Variants in DLG2 observed in about 807,000 individuals in gnomAD.
The protein encoded by DLG2 is discs large MAGUK scaffold protein 2, also known as disks large homolog 2.
DLG2 carries 45 observed loss-of-function variants against 132.5 expected under a neutral mutation model. The observed-to-expected ratio is 0.34, with a 90% CI of 0.27 to 0.44. DLG2 has a LOEUF of 0.44. Among genes scored for constraint, DLG2 ranks in the 20% least tolerant of loss-of-function variants. The probability of loss-of-function intolerance (pLI) is 1.00; values close to 1 mark genes in which losing one functional copy is unlikely to be tolerated. For synonymous variants in DLG2, 424 were observed against 419.6 expected, an observed-to-expected ratio of 1.01 and a Z score of -0.13; for missense variants, 1,045 against 1,196.9, an observed-to-expected ratio of 0.87 and a Z score of 1.87.
At chr11:85,578,074 A>T (rs144208284) in intron 3 of DLG2, among the ~76,000 whole-genome samples, 1 of 152,164 alleles carries the variant, frequency 6.6e-6, no homozygotes, top group African/African-American at 2.4e-5. Flanking sequence ...TAGAGAACCC[A>T]GCAATAAGAG....
chr11:85,568,646 T>A (rs984682901), intron 3 of DLG2, among the ~76,000 whole-genome samples: 28 of 152,188 alleles, frequency 1.8e-4, no homozygotes, highest in African/African-American at 6.8e-4. Context: ...TTTGGCAAAT[T>A]ATGTGTTTCT....
At chr11:85,504,688 C>T (rs1270043347) in intron 3 of DLG2, among the ~76,000 whole-genome samples, 4 of 152,146 alleles carry the variant, frequency 2.6e-5, no homozygotes, top group African/African-American at 9.7e-5. Flanking sequence ...ATTGTCTTGG[C>T]AATGCAGGCT....
intron 3 of DLG2, among the ~76,000 whole-genome samples, chr11:85,515,564 A>G (rs1336083825): frequency 6.6e-6 from 1 of 151,976 alleles, no homozygotes; most frequent in Non-Finnish European, 1.5e-5. Flanking sequence ...AATACCTTGA[A>G]TCTAGCAAGT....
At chr11:85,368,828 G>A (rs559296973) in intron 3 of DLG2, among the ~76,000 whole-genome samples, 11 of 152,314 alleles carry the variant, frequency 7.2e-5, no homozygotes, top group Non-Finnish European at 1.2e-4. Context: ...TGCCCACTGC[G>A]GTGGAACCGC....
chr11:83,689,982 A>AT (rs2080641515), intron 18 of DLG2, among the ~76,000 whole-genome samples: 1 of 132,702 alleles, frequency 7.5e-6, no homozygotes, highest in African/African-American at 2.9e-5. Flanking sequence ...ATATTATAAT[A>AT]TATTTATTAT....
chr11:85,394,051 C>A (rs1327791909), intron 3 of DLG2, among the ~76,000 whole-genome samples: 1 of 152,086 alleles, frequency 6.6e-6, no homozygotes, highest in Non-Finnish European at 1.5e-5. Context: ...CCCAAAAAAA[C>A]CTATTGAAAT....
intron 14 of DLG2, among the ~76,000 whole-genome samples, chr11:83,940,716 C>T (rs1442066938): frequency 6.6e-6 from 1 of 152,188 alleles, no homozygotes; most frequent in African/African-American, 2.4e-5. Flanking sequence ...ACAGAGGAAA[C>T]AAACTGTGAT....
intron 4 of DLG2, among the ~76,000 whole-genome samples, chr11:85,161,013 G>T (rs549967702): frequency 1.3e-4 from 20 of 152,232 alleles, no homozygotes; most frequent in Non-Finnish European, 2.5e-4. Flanking sequence ...TTCATGGGCT[G>T]TAGCCAATGG....
At chr11:84,301,053 C>T (rs1469230895) in intron 7 of DLG2, among the ~76,000 whole-genome samples, 1 of 152,064 alleles carries the variant, frequency 6.6e-6, no homozygotes, top group Non-Finnish European at 1.5e-5. Context: ...TATTATGAAC[C>T]TTAAAAAATT....
intron 3 of DLG2, among the ~76,000 whole-genome samples, chr11:85,364,978 G>A (rs562245386): frequency 6.6e-6 from 1 of 151,454 alleles, no homozygotes; most frequent in Non-Finnish European, 1.5e-5. Context: ...TTATAGACGG[G>A]GGCAAGAAAG....
rs535715659 is a variant in DLG2 at position 85,420,537 on chromosome 11, C to G, written c.41-135172G>C. Among the ~76,000 whole-genome samples, 79 of 152,286 alleles carry G rather than the reference C, an allele frequency of 5.2e-4. 1 individual carries two copies. The South Asian group carries it at 0.015, about 29-fold the overall frequency. ...CTGCTGAAGTTGAGCCCACATCCCC[C>G]CTTCCCCCAGGTGCTCTGTCCCAAG... On this transcript the variant is annotated intron_variant, in intron 3 of 27. Coordinates refer to ENST00000376104, the MANE Select transcript of DLG2 (RefSeq NM_001142699.3).
intron 22 of DLG2, among the ~76,000 whole-genome samples, chr11:83,476,162 G>T (rs947662949): frequency 6.6e-6 from 1 of 152,088 alleles, no homozygotes; most frequent in African/African-American, 2.4e-5. Context: ...TGTTTTTAGT[G>T]CCTGCATATG....
chr11:84,400,839 T>C (rs2098826855), intron 7 of DLG2, among the ~76,000 whole-genome samples: 1 of 152,094 alleles, frequency 6.6e-6, no homozygotes, highest in South Asian at 2.1e-4. Flanking sequence ...ATAACAGATA[T>C]TAGTCTGAGT....
intron 7 of DLG2, among the ~76,000 whole-genome samples, chr11:84,376,677 T>C (rs906853875): frequency 4.2e-4 from 63 of 151,778 alleles, no homozygotes; most frequent in African/African-American, 1.5e-3. Context: ...ACCTTGAAGC[T>C]TCACATTATA....
At chr11:84,150,110 T>C (rs1170645589) in intron 9 of DLG2, among the ~76,000 whole-genome samples, 1 of 152,158 alleles carries the variant, frequency 6.6e-6, no homozygotes, top group Non-Finnish European at 1.5e-5. Flanking sequence ...ATGTTGGTAA[T>C]GTGATAATAA....
chr11:84,482,064 A>G (rs2099139218), intron 7 of DLG2, among the ~76,000 whole-genome samples: 2 of 152,292 alleles, frequency 1.3e-5, no homozygotes, highest in African/African-American at 2.4e-5. Context: ...TATTTCCAGC[A>G]TACTTCTAAT....
chr11:84,276,596 G>A (rs1224176805), intron 7 of DLG2, among the ~76,000 whole-genome samples: 2 of 152,276 alleles, frequency 1.3e-5, no homozygotes, highest in African/African-American at 4.8e-5. Context: ...TGGAGCATAT[G>A]TATTTTCTTC....
intron 6 of DLG2, among the ~76,000 whole-genome samples, chr11:85,097,371 C>G (rs2152253219): frequency 6.6e-6 from 1 of 152,238 alleles, no homozygotes; most frequent in Non-Finnish European, 1.5e-5. Flanking sequence ...CAAAAGTTCT[C>G]CAAGTCCCCA....
chr11:85,437,379 G>A (rs2091545880), intron 3 of DLG2, among the ~76,000 whole-genome samples: 1 of 152,012 alleles, frequency 6.6e-6, no homozygotes, highest in African/African-American at 2.4e-5. Context: ...AACATGGGAT[G>A]TTTCATACAT....
Sources: allele counts gnomAD v4.1 joint callset (sites outside exome capture counted in the v4.1 genomes callset), GRCh38; gene constraint gnomAD v4.1.1; transcripts MANE v1.5; gene names NCBI Gene and HGNC (gene_info 2026-07-23, HGNC 2026-07-21).